The following TNNI3K variants were observed in gnomAD, a reference collection of about 807,000 sequenced individuals.
TNNI3K encodes serine/threonine-protein kinase TNNI3K.
A neutral mutation model predicts 114.5 loss-of-function variants in TNNI3K; 140 were observed. The ratio of observed to expected loss-of-function variants is 1.22; its 90% CI spans 1.07 to 1.41. The LOEUF (loss-of-function observed/expected upper bound fraction) is 1.41. Ranked by LOEUF, TNNI3K falls within the 40% of genes most tolerant of loss-of-function variation. TNNI3K has a pLI of 0.00. For missense variants in TNNI3K, 1,125 were observed against 1,007.6 expected, an observed-to-expected ratio of 1.12 and a Z score of -1.58; for synonymous variants, 347 against 347.5, an observed-to-expected ratio of 1.00 and a Z score of 0.02.
chr1:74,483,034 T>C (rs571765696), intron 21 of TNNI3K, among the ~76,000 whole-genome samples: 1 of 152,356 alleles, frequency 6.6e-6, no homozygotes, highest in Non-Finnish European at 1.5e-5. Flanking sequence ...TCTTTTGCAA[T>C]AGCAAAATAA....
At chr1:74,480,761 G>A in intron 21 of TNNI3K, 2 of 717,530 alleles carry the variant, frequency 2.8e-6, no homozygotes. Flanking sequence ...GGTGTGATCA[G>A]TGAGCGAAGA....
intron 2 of TNNI3K, among the ~76,000 whole-genome samples, chr1:74,239,038 A>G (rs1654030940): frequency 6.6e-6 from 1 of 152,144 alleles, no homozygotes; most frequent in South Asian, 2.1e-4. Context: ...TACTTCTAGA[A>G]AGATATCCAA....
At chr1:74,249,621 T>C in intron 3 of TNNI3K, 77 bp downstream of exon 3, 1 of 1,392,226 alleles carries the variant, frequency 7.2e-7, no homozygotes, top group Non-Finnish European at 9.8e-7. Context: ...CTTAATAGTC[T>C]GCAAAAGAAT....
rs189899596 is a variant in TNNI3K, at chr1:74,280,933, A to G, written c.444+9225A>G. On this transcript the variant is annotated intron_variant, in intron 5 of 24. Transcript: ENST00000326637. ...ACTTCTTTTGCTTGGGAACGGGAGA[A>G]GGAAGAGTATAGAGGACTTTGTCTT... is the stretch of plus-strand genomic sequence containing the variant. Among the ~76,000 whole-genome samples the G allele has an allele frequency of 9.9e-4, 150 of 152,146 alleles. 2 individuals are homozygous for G. Among genetic ancestry groups the G allele is most frequent in the African/African-American group, 3.5e-3 (145 of 41,412 alleles).
chr1:74,317,342 C>T (rs1391561404), intron 5 of TNNI3K, among the ~76,000 whole-genome samples: 1 of 152,196 alleles, frequency 6.6e-6, no homozygotes, highest in Non-Finnish European at 1.5e-5. Flanking sequence ...GTAACAATTA[C>T]ATATAATGCT....
At chr1:74,498,665 G>T (rs1167206432) in intron 23 of TNNI3K, among the ~76,000 whole-genome samples, 1 of 151,986 alleles carries the variant, frequency 6.6e-6, no homozygotes, top group Non-Finnish European at 1.5e-5. Context: ...TTCCTGTCAA[G>T]TTCAAATATA....
intron 17 of TNNI3K, among the ~76,000 whole-genome samples, chr1:74,424,093 TG>T (rs1449104378): frequency 1.3e-5 from 2 of 151,984 alleles, no homozygotes; most frequent in African/African-American, 4.8e-5. Context: ...AAAATAGAAT[TG>T]TTAGGACATG....
At chr1:74,339,773 T>C (rs1448383339) in intron 7 of TNNI3K, among the ~76,000 whole-genome samples, 1 of 151,828 alleles carries the variant, frequency 6.6e-6, no homozygotes, top group Non-Finnish European at 1.5e-5. Flanking sequence ...CTAAATGAGA[T>C]TGAAAAGGTT....
At chr1:74,473,532 A>T (rs1557589611) in intron 21 of TNNI3K, among the ~76,000 whole-genome samples, 2 of 149,434 alleles carry the variant, frequency 1.3e-5, no homozygotes, top group African/African-American at 4.9e-5. Context: ...TTAAAAGGCT[A>T]TTTTTTTTTT....
chr1:74,401,808 T>C, intron 17 of TNNI3K: 1 of 450,462 alleles, frequency 2.2e-6, no homozygotes, highest in Non-Finnish European at 4.4e-6. Flanking sequence ...CTTCTTATTT[T>C]ATGTTTCAAT....
intron 2 of TNNI3K, among the ~76,000 whole-genome samples, chr1:74,245,288 T>G (rs1433460464): frequency 6.6e-6 from 1 of 152,252 alleles, no homozygotes; most frequent in African/African-American, 2.4e-5. Context: ...TAGGGTACTC[T>G]GATATAGTCC....
intron 17 of TNNI3K, among the ~76,000 whole-genome samples, chr1:74,393,164 G>A (rs1195196798): frequency 6.6e-6 from 1 of 152,102 alleles, no homozygotes; most frequent in Non-Finnish European, 1.5e-5. Context: ...TAATTGCAGG[G>A]CAGTTTTCTT....
chr1:74,493,042 G>A (rs1669156729), intron 23 of TNNI3K, among the ~76,000 whole-genome samples: 1 of 152,062 alleles, frequency 6.6e-6, no homozygotes, highest in African/African-American at 2.4e-5. Context: ...TTACATTTAT[G>A]ACTTCATTTA....
At position 74,343,271 on chromosome 1, in the gene TNNI3K, C is replaced by T; in HGVS notation, c.932+92C>T. 4 of 1,331,012 alleles carry T rather than the reference C, an allele frequency of 3.0e-6. No homozygotes were observed. The South Asian group carries it at 5.3e-5, about 17-fold the overall frequency. 82.5% of individuals were successfully genotyped at this position (1,331,012 alleles called of 1,614,324 possible). A position where few individuals can be genotyped will look rare whatever the true frequency, so the allele number is the denominator to read the frequency against. On this transcript the variant is annotated intron_variant, in intron 9 of 24. Coordinates refer to ENST00000326637, the MANE Select transcript of TNNI3K (RefSeq NM_015978.3). ...GGTATAAAGCAAGAACAAATAGTGG[C>T]AGATGTTGCAATCAGAGAGCAATAG...
intron 23 of TNNI3K, among the ~76,000 whole-genome samples, chr1:74,498,153 T>A (rs1484587138): frequency 6.6e-6 from 1 of 152,192 alleles, no homozygotes; most frequent in African/African-American, 2.4e-5. Flanking sequence ...AGAGGAAAAC[T>A]ACAGACAAAC....
chr1:74,239,827 T>C (rs759206053), intron 2 of TNNI3K: 1 of 409,230 alleles, frequency 2.4e-6, no homozygotes, highest in Non-Finnish European at 5.1e-6. Flanking sequence ...ATAGTTATCC[T>C]GCTTATGCCA....
chr1:74,235,895 A>G (rs1322364594), intron 1 of TNNI3K, among the ~76,000 whole-genome samples: 2 of 151,606 alleles, frequency 1.3e-5, no homozygotes, highest in Non-Finnish European at 3.0e-5. Flanking sequence ...ATATTATCCA[A>G]TATCGAATGG....
intron 22 of TNNI3K, among the ~76,000 whole-genome samples, chr1:74,489,695 A>G (rs1668953664): frequency 1.3e-5 from 2 of 152,172 alleles, no homozygotes; most frequent in South Asian, 2.1e-4. Context: ...CACACCACAT[A>G]TATGTTGCTT....
intron 11 of TNNI3K, among the ~76,000 whole-genome samples, chr1:74,361,146 C>T (rs894143048): frequency 6.6e-6 from 1 of 152,056 alleles, no homozygotes; most frequent in Admixed American, 6.6e-5. Context: ...TCCTAATATT[C>T]AAATAAACAG....
Sources: allele counts gnomAD v4.1 joint callset (sites outside exome capture counted in the v4.1 genomes callset), GRCh38; gene constraint gnomAD v4.1.1; transcripts MANE v1.5; gene names NCBI Gene and HGNC (gene_info 2026-07-23, HGNC 2026-07-21).